The following COLEC12 variants were observed in gnomAD, a reference collection of about 807,000 sequenced individuals.
COLEC12 encodes collectin-12.
A neutral mutation model predicts 71.1 loss-of-function variants in COLEC12; 33 were observed. The ratio of observed to expected loss-of-function variants is 0.46; its 90% confidence interval spans 0.35 to 0.62. The LOEUF (loss-of-function observed/expected upper bound fraction) is 0.62, where lower values mean the gene tolerates loss of function less well. Among genes scored for constraint, COLEC12 ranks in the 20% least tolerant of loss-of-function variants. The pLI is 0.00. For missense variants in COLEC12, 765 were observed against 916.1 expected (o/e 0.84, Z 2.13); for synonymous variants, 350 against 353.0 (o/e 0.99, Z 0.10).
intron 2 of COLEC12, among the ~76,000 whole-genome samples, chr18:386,538 A>G (rs1915348811): frequency 6.6e-6 from 1 of 152,208 alleles, no homozygotes; most frequent in East Asian, 1.9e-4. Flanking sequence ...AAGCACTGCC[A>G]TTGGAGACCT....
At chr18:390,509 C>G (rs1393638234) in intron 2 of COLEC12, among the ~76,000 whole-genome samples, 2 of 152,168 alleles carry the variant, frequency 1.3e-5, no homozygotes, top group Non-Finnish European at 2.9e-5. Context: ...TGCCTGTAAT[C>G]CCAGCACTTT....
intron 2 of COLEC12, among the ~76,000 whole-genome samples, chr18:382,216 T>C (rs1460776492): frequency 1.3e-5 from 2 of 152,224 alleles, no homozygotes; most frequent in African/African-American, 4.8e-5. Flanking sequence ...TGTCTTTAAA[T>C]TATCAAAATC....
chr18:428,260 T>C (rs1482186298), intron 2 of COLEC12, among the ~76,000 whole-genome samples: 1 of 142,308 alleles, frequency 7.0e-6, no homozygotes, highest in East Asian at 1.9e-4. Context: ...TGAAACTCCG[T>C]CTCAAAAAAA....
At chr18:353,091 C>T (rs866503555) in intron 3 of COLEC12, among the ~76,000 whole-genome samples, 72 of 152,166 alleles carry the variant, frequency 4.7e-4, no homozygotes, top group African/African-American at 1.7e-3. Context: ...AAAAGCACTT[C>T]GGTATCATCC....
intron 2 of COLEC12, among the ~76,000 whole-genome samples, chr18:373,834 C>A (rs1024067203): frequency 2.6e-5 from 4 of 152,060 alleles, no homozygotes; most frequent in Non-Finnish European, 5.9e-5. Context: ...CCGAATGATG[C>A]CAATATGAGC....
rs867700076 is a variant in COLEC12, at chr18:352,533, G to A, written c.182-4370C>T. On this transcript the variant is annotated intron_variant, in intron 3 of 9. Coordinates refer to ENST00000400256, the MANE Select transcript of COLEC12 (RefSeq NM_130386.3). Reference sequence around the variant, plus strand: ...AAAAAAAGAACAAAAAAAATCTGTCGACGTTTTCTTCTGTGCAGCAAAAGG... The same window carrying A: ...AAAAAAAGAACAAAAAAAATCTGTCAACGTTTTCTTCTGTGCAGCAAAAGG... Among the ~76,000 whole-genome samples, 11 of 152,170 alleles carry A rather than the reference G, an allele frequency of 7.2e-5. No homozygotes were observed. The South Asian group carries it at 1.5e-3, about 20-fold the overall frequency.
intron 2 of COLEC12, among the ~76,000 whole-genome samples, chr18:449,092 T>C: frequency 1.3e-5 from 2 of 152,004 alleles, no homozygotes. Context: ...TAATAAAATA[T>C]TATAATTAGA....
At chr18:406,502 C>T (rs1489807490) in intron 2 of COLEC12, among the ~76,000 whole-genome samples, 1 of 102,426 alleles carries the variant, frequency 9.8e-6, no homozygotes. Flanking sequence ...GACGACAGAG[C>T]GAGACTCCGT....
In COLEC12 at chr18:408,618, A is replaced by G. The variant is rs1347622452; in HGVS notation, c.59-51096T>C. Among the ~76,000 whole-genome samples, 1 of 152,100 alleles carries G rather than the reference A, an allele frequency of 6.6e-6. No individual in the cohort carries two copies. Among genetic ancestry groups the G allele is most frequent in the Non-Finnish European group, 1.5e-5 (1 of 67,998 alleles). On this transcript the variant is annotated intron_variant, in intron 2 of 9. Coordinates refer to ENST00000400256, the MANE Select transcript of COLEC12 (RefSeq NM_130386.3). The surrounding 1 kb of genome is among the most constrained non-coding windows in gnomAD (Gnocchi z 4.3). Reference sequence around the variant, plus strand: ...CCAAATATTGAGAAAAAGGAAAAAAAAAAAAGACAGGAAAATAAAAGCATG... The same window carrying G: ...CCAAATATTGAGAAAAAGGAAAAAAGAAAAAGACAGGAAAATAAAAGCATG...
At chr18:429,931 G>A (rs986210255) in intron 2 of COLEC12, among the ~76,000 whole-genome samples, 24 of 152,118 alleles carry the variant, frequency 1.6e-4, no homozygotes, top group Admixed American at 5.2e-4. Flanking sequence ...GTTAATTTCC[G>A]TCTCTCCAAA....
intron 2 of COLEC12, among the ~76,000 whole-genome samples, chr18:437,248 G>A (rs773555177): frequency 5.9e-5 from 9 of 152,306 alleles, no homozygotes; most frequent in African/African-American, 1.7e-4. Context: ...AATTTTATGG[G>A]CTATACAACA....
At chr18:345,450 C>A (rs748737050) in intron 5 of COLEC12, among the ~76,000 whole-genome samples, 1 of 152,100 alleles carries the variant, frequency 6.6e-6, no homozygotes, top group Non-Finnish European at 1.5e-5. Context: ...TGGTCTCAAG[C>A]GATCCTCCCA....
intron 2 of COLEC12, among the ~76,000 whole-genome samples, chr18:449,860 T>C (rs555998871): frequency 7.2e-5 from 11 of 152,362 alleles, no homozygotes; most frequent in African/African-American, 2.6e-4. Flanking sequence ...ATTCTTCATA[T>C]CCAACTCTCC....
intron 2 of COLEC12, among the ~76,000 whole-genome samples, chr18:385,428 G>A (rs1401935085): frequency 2.7e-5 from 4 of 149,030 alleles, no homozygotes; most frequent in Admixed American, 6.8e-5. Flanking sequence ...GGGCTCAAGC[G>A]ATTCTCCTGC....
intron 8 of COLEC12, among the ~76,000 whole-genome samples, chr18:326,331 T>C (rs1169188321): frequency 1.3e-5 from 2 of 152,140 alleles, no homozygotes; most frequent in Non-Finnish European, 2.9e-5. Context: ...ACATACTCTA[T>C]ATAGTTCTAG....
chr18:435,288 A>T (rs950170813), intron 2 of COLEC12, among the ~76,000 whole-genome samples: 2 of 152,236 alleles, frequency 1.3e-5, no homozygotes, highest in Non-Finnish European at 2.9e-5. Context: ...TAATTGACTC[A>T]CAGTTCCACA....
At chr18:330,381 G>T (rs1002043553) in intron 8 of COLEC12, among the ~76,000 whole-genome samples, 6 of 152,108 alleles carry the variant, frequency 3.9e-5, no homozygotes, top group African/African-American at 1.4e-4. Flanking sequence ...CGTGGACTTT[G>T]CCTAGTGCTC....
chr18:479,127 T>C (rs759186371), intron 2 of COLEC12, among the ~76,000 whole-genome samples: 45 of 152,334 alleles, frequency 3.0e-4, no homozygotes, highest in South Asian at 8.3e-4. Flanking sequence ...GATTCCTATC[T>C]TTCTGTGTTT....
At chr18:349,820 A>G (rs1012931637) in intron 3 of COLEC12, among the ~76,000 whole-genome samples, 2 of 152,194 alleles carry the variant, frequency 1.3e-5, no homozygotes, top group African/African-American at 4.8e-5. Context: ...TTGAACTTGC[A>G]TGGGGCCTGT....
Sources: gnomAD v4.1 joint callset for allele counts (sites outside exome capture counted in the v4.1 genomes callset) on GRCh38, gnomAD v4.1.1 for gene constraint, Gnocchi (gnomAD v3.1) non-coding constraint, MANE v1.5 for transcripts, NCBI Gene and HGNC (gene_info 2026-07-23, HGNC 2026-07-21) for gene names.